The following KDM4C variants were observed in gnomAD, a reference collection of about 807,000 sequenced individuals.
The protein encoded by KDM4C is lysine demethylase 4C.
KDM4C carries 81 observed loss-of-function variants against 129.3 expected under a neutral mutation model. That is an observed-to-expected ratio of 0.63 (90% CI 0.52 to 0.75). The LOEUF is 0.75. Ranked by LOEUF, KDM4C falls within the 30% of genes least tolerant of loss-of-function variation. KDM4C has a pLI of 0.00. For synonymous variants in KDM4C, 573 were observed against 456.1 expected (o/e 1.26, Z -3.26); for missense variants, 1,457 against 1,304.0 (o/e 1.12, Z -1.81).
intron 15 of KDM4C, among the ~76,000 whole-genome samples, chr9:7,026,443 CT>C (rs1564005113): frequency 6.6e-6 from 1 of 152,080 alleles, no homozygotes; most frequent in Admixed American, 6.6e-5. Flanking sequence ...GAAAAATCTG[CT>C]GCCAGACAGA....
chr9:6,841,395 A>G (rs1198623820), intron 4 of KDM4C, among the ~76,000 whole-genome samples: 2 of 152,216 alleles, frequency 1.3e-5, no homozygotes, highest in African/African-American at 4.8e-5. Flanking sequence ...CTGTGAAGAT[A>G]TGGAAAGACT....
intron 18 of KDM4C, among the ~76,000 whole-genome samples, chr9:7,124,894 A>T (rs1414474074): frequency 6.6e-6 from 1 of 152,034 alleles, no homozygotes; most frequent in Non-Finnish European, 1.5e-5. Context: ...GTTTGCTGGG[A>T]GGGGGCTTTC....
chr9:7,126,961 A>T (rs1292670983), intron 18 of KDM4C, among the ~76,000 whole-genome samples: 2 of 152,214 alleles, frequency 1.3e-5, no homozygotes. Flanking sequence ...AATAAAGTAA[A>T]GTATGAACTA....
At chr9:7,037,825 G>A (rs980562856) in intron 15 of KDM4C, among the ~76,000 whole-genome samples, 2 of 152,024 alleles carry the variant, frequency 1.3e-5, no homozygotes, top group Admixed American at 6.6e-5. Flanking sequence ...TGTTACAACA[G>A]GCATTTTAGT....
intron 3 of KDM4C, 104 bp downstream of exon 3, chr9:6,805,878 C>G: frequency 1.9e-6 from 2 of 1,048,130 alleles, no homozygotes; most frequent in Non-Finnish European, 2.7e-6. Context: ...GCAGGAGTCT[C>G]CCATGCAATT....
chr9:6,760,902 C>T (rs1819348130), intron 1 of KDM4C, among the ~76,000 whole-genome samples: 1 of 151,732 alleles, frequency 6.6e-6, no homozygotes, highest in East Asian at 1.9e-4. Context: ...TTGAAGGGGC[C>T]TGTTGATCTT....
chr9:7,000,277 G>A (rs1177535525), intron 12 of KDM4C, among the ~76,000 whole-genome samples: 1 of 152,140 alleles, frequency 6.6e-6, no homozygotes, highest in Non-Finnish European at 1.5e-5. Flanking sequence ...TAGTGGCTTG[G>A]TCAGGTTTTG....
chr9:6,723,663 T>A (rs1378602560), intron 1 of KDM4C: 1 of 149,762 alleles, frequency 6.7e-6, no homozygotes, highest in Non-Finnish European at 1.5e-5. Context: ...GGGGACTATG[T>A]ATATAGATTT....
chr9:7,042,424 G>T (rs564976024), intron 15 of KDM4C, among the ~76,000 whole-genome samples: 3 of 152,108 alleles, frequency 2.0e-5, no homozygotes, highest in South Asian at 4.2e-4. Flanking sequence ...GATAAAGTAG[G>T]GAAAACTTAA....
intron 17 of KDM4C, among the ~76,000 whole-genome samples, chr9:7,062,330 A>G (rs1831813584): frequency 6.6e-6 from 1 of 151,760 alleles, no homozygotes; most frequent in South Asian, 2.1e-4. Context: ...TGAAGTTGTC[A>G]CTTGTCTTAC....
intron 8 of KDM4C, among the ~76,000 whole-genome samples, chr9:6,894,939 C>G (rs1401194730): frequency 6.6e-6 from 1 of 152,160 alleles, no homozygotes; most frequent in Non-Finnish European, 1.5e-5. Context: ...GAGAAAAGAA[C>G]TTAGGTATGT....
At chr9:7,104,587 T>A (rs545137278) in intron 18 of KDM4C, among the ~76,000 whole-genome samples, 1 of 145,902 alleles carries the variant, frequency 6.9e-6, no homozygotes, top group African/African-American at 2.5e-5. Flanking sequence ...ATCTTTCCTG[T>A]GTTTTAAATG....
At chr9:6,925,005 G>C in intron 8 of KDM4C, 2 of 985,328 alleles carry the variant, frequency 2.0e-6, no homozygotes, top group Non-Finnish European at 2.4e-6. Flanking sequence ...TGAATCTTAG[G>C]CTTCCTACTT....
At chr9:6,836,388 A>C (rs1253619728) in intron 4 of KDM4C, among the ~76,000 whole-genome samples, 1 of 152,174 alleles carries the variant, frequency 6.6e-6, no homozygotes, top group East Asian at 1.9e-4. Context: ...ATAAATAAAT[A>C]AATCAGCTTG....
chr9:7,003,790 A>C (rs1293464410), intron 12 of KDM4C, among the ~76,000 whole-genome samples: 2 of 152,202 alleles, frequency 1.3e-5, no homozygotes, highest in Non-Finnish European at 2.9e-5. Flanking sequence ...TTTGAAGGTC[A>C]GCATTTCAAA....
chr9:6,797,451 T>G (rs1827954382), intron 2 of KDM4C, among the ~76,000 whole-genome samples: 1 of 152,120 alleles, frequency 6.6e-6, no homozygotes, highest in Non-Finnish European at 1.5e-5. Context: ...AACATTTATT[T>G]TTTGAGTGGA....
At chr9:6,767,078 G>GT (rs892845018) in intron 1 of KDM4C, among the ~76,000 whole-genome samples, 7 of 151,030 alleles carry the variant, frequency 4.6e-5, no homozygotes, top group East Asian at 1.9e-4. Context: ...GAACTGAAGT[G>GT]TTTTTTTTGC....
intron 8 of KDM4C, chr9:6,924,783 C>G: frequency 1.0e-6 from 1 of 981,458 alleles, no homozygotes; most frequent in Non-Finnish European, 1.2e-6. Context: ...AAGTTATTTT[C>G]CCTGTATATT....
rs1275551354 is a variant in KDM4C, at chr9:6,758,293, G to A, written c.-18+90G>A. 1.7e-5 allele frequency: 13 copies of A among 782,026 alleles called. No individual in the cohort carries two copies. Among genetic ancestry groups the A allele is most frequent in the Non-Finnish European group, 2.0e-5 (13 of 644,368 alleles). The allele number at this position is 782,026 out of a possible 1,614,324, so 48.4% of individuals were successfully genotyped here. A position where few individuals can be genotyped will look rare whatever the true frequency, so the allele number is the denominator to read the frequency against. On this transcript the variant is annotated intron_variant, in intron 1 of 21. Transcript: ENST00000381309. The surrounding 1 kb of genome is among the most constrained non-coding windows in gnomAD (Gnocchi z 4.6). The stretch of plus-strand genomic sequence containing the variant: ...CTGCCCCCCTCCGCGTGGGGCACGG[G>A]GGTGCGGGCGTCCGGGCGAGCGGCG...
Sources: allele counts gnomAD v4.1 joint callset (sites outside exome capture counted in the v4.1 genomes callset), GRCh38; gene constraint gnomAD v4.1.1; non-coding constraint Gnocchi (gnomAD v3.1); transcripts MANE v1.5; gene names NCBI Gene and HGNC (gene_info 2026-07-23, HGNC 2026-07-21).